The following DYNC1I1 variants were observed in gnomAD, a reference collection of about 807,000 sequenced individuals.
DYNC1I1 encodes dynein cytoplasmic 1 intermediate chain 1.
In DYNC1I1, 43 loss-of-function variants were observed where a neutral mutation model predicts 86.6. The observed-to-expected ratio is 0.50, with a 90% CI of 0.39 to 0.64. DYNC1I1 has a LOEUF of 0.64. Among genes scored for constraint, DYNC1I1 ranks in the 30% least tolerant of loss-of-function variants. DYNC1I1 has a pLI of 0.00. For missense variants in DYNC1I1, 604 were observed against 788.8 expected, an observed-to-expected ratio of 0.77 and a Z score of 2.81; for synonymous variants, 262 against 283.7, an observed-to-expected ratio of 0.92 and a Z score of 0.77.
At chr7:95,929,586 G>A (rs1791836728) in intron 6 of DYNC1I1, among the ~76,000 whole-genome samples, 1 of 152,174 alleles carries the variant, frequency 6.6e-6, no homozygotes, top group African/African-American at 2.4e-5. Context: ...CAAATCAGGA[G>A]TGTACAACTT....
chr7:95,898,375 G>C (rs2116298346), intron 6 of DYNC1I1, among the ~76,000 whole-genome samples: 1 of 152,284 alleles, frequency 6.6e-6, no homozygotes, highest in South Asian at 2.1e-4. Context: ...ACTCTGATCT[G>C]TCCCTGGTTT....
intron 6 of DYNC1I1, among the ~76,000 whole-genome samples, chr7:95,899,889 G>A (rs1790991086): frequency 6.6e-6 from 1 of 152,164 alleles, no homozygotes; most frequent in South Asian, 2.1e-4. Flanking sequence ...ACCTCTGTAT[G>A]TATCTCTTTT....
chr7:96,008,024 C>T (rs1435273128), intron 10 of DYNC1I1, among the ~76,000 whole-genome samples: 1 of 152,176 alleles, frequency 6.6e-6, no homozygotes, highest in Non-Finnish European at 1.5e-5. Flanking sequence ...TATTATTGCA[C>T]TTGGGAATGC....
intron 11 of DYNC1I1, among the ~76,000 whole-genome samples, chr7:96,031,917 G>A (rs539623404): frequency 5.9e-5 from 9 of 152,214 alleles, no homozygotes; most frequent in Non-Finnish European, 1.2e-4. Context: ...TCTGCAGAGT[G>A]GGATAACCCA....
At chr7:95,954,181 C>G (rs949232571) in intron 6 of DYNC1I1, among the ~76,000 whole-genome samples, 1 of 151,236 alleles carries the variant, frequency 6.6e-6, no homozygotes, top group African/African-American at 2.4e-5. Context: ...CAGGCAATTC[C>G]GTGTTTTAAT....
At chr7:95,993,451 G>A (rs7779685) in intron 9 of DYNC1I1, among the ~76,000 whole-genome samples, 93,050 of 152,032 alleles carry the variant, frequency 0.61, 28,651 homozygotes, top group Admixed American at 0.64. Flanking sequence ...CCCCTGTGGT[G>A]GTGGTGTTGA....
At chr7:95,963,107 ACT>A (rs776138590) in intron 6 of DYNC1I1, among the ~76,000 whole-genome samples, 10 of 152,082 alleles carry the variant, frequency 6.6e-5, no homozygotes, top group Non-Finnish European at 1.3e-4. Context: ...CTGAAATGAA[ACT>A]CTGCATTCTC....
chr7:95,779,223 C>T (rs183867448), intron 1 of DYNC1I1, among the ~76,000 whole-genome samples: 2 of 152,280 alleles, frequency 1.3e-5, no homozygotes, highest in Admixed American at 1.3e-4. Context: ...TCATTGAAAT[C>T]TTCCCTGTTT....
chr7:96,019,557 C>T (rs989019964), intron 10 of DYNC1I1, among the ~76,000 whole-genome samples: 3 of 151,856 alleles, frequency 2.0e-5, no homozygotes, highest in Non-Finnish European at 2.9e-5. Flanking sequence ...AAGGTACAGG[C>T]GAATTTGGAG....
At chr7:96,082,841 A>G (rs976829708) in intron 16 of DYNC1I1, among the ~76,000 whole-genome samples, 4 of 152,180 alleles carry the variant, frequency 2.6e-5, no homozygotes, top group Non-Finnish European at 5.9e-5. Context: ...CTAGGATGCT[A>G]TCATCATTTC....
chr7:95,773,386 C>T (rs1793757954), intron 1 of DYNC1I1, among the ~76,000 whole-genome samples: 1 of 152,126 alleles, frequency 6.6e-6, no homozygotes, highest in Non-Finnish European at 1.5e-5. Context: ...CCTTCACGGC[C>T]GCCTGGCTCT....
chr7:96,058,800 A>ATTTTTTTTTT (rs35348142), intron 14 of DYNC1I1, among the ~76,000 whole-genome samples: 1 of 98,746 alleles, frequency 1.0e-5, no homozygotes. Context: ...TGCCTGGCTA[A>ATTTTTTTTTT]TTTTTTTTTT....
chr7:95,803,527 C>T (rs1296992574), intron 1 of DYNC1I1, among the ~76,000 whole-genome samples: 1 of 152,194 alleles, frequency 6.6e-6, no homozygotes, highest in Non-Finnish European at 1.5e-5. Context: ...TATTTCCCAA[C>T]TTGTGTATTT....
At chr7:95,905,044 C>G (rs1791138215) in intron 6 of DYNC1I1, among the ~76,000 whole-genome samples, 1 of 152,182 alleles carries the variant, frequency 6.6e-6, no homozygotes, top group South Asian at 2.1e-4. Flanking sequence ...TACAGTTTCC[C>G]TGTGTAAGTT....
chr7:96,033,528 A>C (rs1794862987), intron 12 of DYNC1I1, among the ~76,000 whole-genome samples: 1 of 152,190 alleles, frequency 6.6e-6, no homozygotes, highest in South Asian at 2.1e-4. Flanking sequence ...AGTATTCACT[A>C]TCCTCCAACC....
chr7:96,021,525 T>C (rs1024127531), intron 10 of DYNC1I1, among the ~76,000 whole-genome samples: 1 of 152,198 alleles, frequency 6.6e-6, no homozygotes, highest in African/African-American at 2.4e-5. Context: ...AGATATATTT[T>C]ACATGCCACA....
intron 1 of DYNC1I1, among the ~76,000 whole-genome samples, chr7:95,785,808 T>G (rs1584220283): frequency 8.6e-6 from 1 of 116,038 alleles, no homozygotes. Context: ...TATATATATA[T>G]ATATATATAT....
intron 14 of DYNC1I1, among the ~76,000 whole-genome samples, chr7:96,071,441 G>T (rs1790157445): frequency 6.6e-6 from 1 of 152,126 alleles, no homozygotes; most frequent in African/African-American, 2.4e-5. Flanking sequence ...ATTTCCCAAG[G>T]TCTGTAGTTT....
chr7:95,886,882 C>T (rs1288321463), intron 6 of DYNC1I1, among the ~76,000 whole-genome samples: 2 of 152,202 alleles, frequency 1.3e-5, no homozygotes, highest in Non-Finnish European at 1.5e-5. Flanking sequence ...GGTAACTAGA[C>T]ATGGCAGAGG....
Sources: gnomAD v4.1 joint callset for allele counts (sites outside exome capture counted in the v4.1 genomes callset) on GRCh38, gnomAD v4.1.1 for gene constraint, MANE v1.5 for transcripts, NCBI Gene and HGNC (gene_info 2026-07-23, HGNC 2026-07-21) for gene names.